The following SGCD variants were observed in gnomAD, a reference collection of about 807,000 sequenced individuals.
SGCD encodes sarcoglycan delta.
SGCD carries 18 observed loss-of-function variants against 36.6 expected under a neutral mutation model. That is an observed-to-expected ratio of 0.49 (90% confidence interval 0.34 to 0.73). SGCD has a LOEUF of 0.73. SGCD is among the 30% of genes least tolerant of loss of function. SGCD has a pLI of 0.01. For missense variants in SGCD, 387 were observed against 346.7 expected (o/e 1.12, Z -0.92); for synonymous variants, 133 against 130.6 (o/e 1.02, Z -0.12).
the SGCD span, among the ~76,000 whole-genome samples, chr5:155,740,445 C>G: frequency 2.0e-5 from 3 of 152,204 alleles, no homozygotes; most frequent in South Asian, 2.1e-4. Context: ...CATTATTAGT[C>G]TGGGTGGTTC....
intron 5 of SGCD, among the ~76,000 whole-genome samples, chr5:156,594,424 T>C (rs1277249414): frequency 6.6e-6 from 1 of 152,198 alleles, no homozygotes; most frequent in African/African-American, 2.4e-5. Flanking sequence ...AAATGATCTG[T>C]ATACTAAGGA....
At chr5:156,482,776 T>A (rs1191149991) in intron 3 of SGCD, among the ~76,000 whole-genome samples, 1 of 148,952 alleles carries the variant, frequency 6.7e-6, no homozygotes, top group African/African-American at 2.5e-5. Flanking sequence ...CCCTACAAGA[T>A]AATGAGTTAG....
At chr5:156,197,065 T>G (rs985477206) in intron 3 of SGCD, among the ~76,000 whole-genome samples, 16 of 152,222 alleles carry the variant, frequency 1.1e-4, no homozygotes, top group African/African-American at 3.6e-4. Flanking sequence ...CAATCTCCTA[T>G]TGTCAGATAT....
At chr5:156,040,621 AT>A (rs1759611355) in intron 1 of SGCD, among the ~76,000 whole-genome samples, 1 of 152,168 alleles carries the variant, frequency 6.6e-6, no homozygotes, top group South Asian at 2.1e-4. Flanking sequence ...ACTCTTCTGC[AT>A]TTGCTGTCAG....
intron 3 of SGCD, among the ~76,000 whole-genome samples, chr5:156,461,457 C>T (rs1275081790): frequency 6.6e-6 from 1 of 151,798 alleles, no homozygotes; most frequent in Non-Finnish European, 1.5e-5. Context: ...ATGTGACAAA[C>T]AAGCGGATAA....
At chr5:156,691,529 T>C (rs282472) in intron 7 of SGCD, among the ~76,000 whole-genome samples, 8,584 of 152,236 alleles carry the variant, frequency 0.056, 391 homozygotes, top group East Asian at 0.21. Flanking sequence ...AACCCTGCCA[T>C]TGTAGTTCAA....
At chr5:156,217,855 T>A (rs1473900252) in intron 3 of SGCD, among the ~76,000 whole-genome samples, 1 of 152,178 alleles carries the variant, frequency 6.6e-6, no homozygotes, top group Non-Finnish European at 1.5e-5. Context: ...GTGAGAATTT[T>A]AAAAATTATT....
intron 7 of SGCD, among the ~76,000 whole-genome samples, chr5:156,730,298 G>A (rs576125992): frequency 6.6e-6 from 1 of 152,180 alleles, no homozygotes; most frequent in Non-Finnish European, 1.5e-5. Context: ...TGACATGGGT[G>A]TTTGTTATAC....
chr5:155,817,099 A>G, the SGCD span, among the ~76,000 whole-genome samples: 1 of 152,206 alleles, frequency 6.6e-6, no homozygotes. Flanking sequence ...CTATATAGTT[A>G]CAATAACTTT....
At chr5:156,623,930 T>C (rs887469357) in intron 6 of SGCD, among the ~76,000 whole-genome samples, 3 of 152,214 alleles carry the variant, frequency 2.0e-5, no homozygotes, top group African/African-American at 7.2e-5. Flanking sequence ...CAAGGTCCTC[T>C]GGCCTAATTC....
the SGCD span, among the ~76,000 whole-genome samples, chr5:155,747,284 G>T: frequency 6.6e-6 from 1 of 152,190 alleles, no homozygotes; most frequent in African/African-American, 2.4e-5. Context: ...AGTAAGTGGG[G>T]TTCAGGGATG....
the SGCD span, among the ~76,000 whole-genome samples, chr5:155,747,131 A>G: frequency 3.3e-5 from 5 of 152,164 alleles, no homozygotes; most frequent in African/African-American, 1.2e-4. Context: ...GAATTTTGAT[A>G]AAAACAATAC....
chr5:156,314,720 A>G (rs978403019), intron 3 of SGCD, among the ~76,000 whole-genome samples: 11 of 152,062 alleles, frequency 7.2e-5, no homozygotes, highest in African/African-American at 2.7e-4. Flanking sequence ...TAGAGAACAT[A>G]GCAGAGGACT....
chr5:156,247,887 G>A (rs1395663349), intron 3 of SGCD, among the ~76,000 whole-genome samples: 3 of 152,106 alleles, frequency 2.0e-5, no homozygotes, highest in East Asian at 1.9e-4. Flanking sequence ...CCCCTGCTTC[G>A]TGGAAAAAAT....
intron 1 of SGCD, among the ~76,000 whole-genome samples, chr5:155,979,912 T>G (rs1758191923): frequency 6.6e-6 from 1 of 152,146 alleles, no homozygotes; most frequent in African/African-American, 2.4e-5. Context: ...ATGCTGAGAT[T>G]CCAGCATATG....
intron 6 of SGCD, among the ~76,000 whole-genome samples, chr5:156,604,610 C>T (rs1158402731): frequency 2.6e-5 from 4 of 151,422 alleles, no homozygotes; most frequent in African/African-American, 4.8e-5. Context: ...ATACTCTAGA[C>T]TTTTTTCCTC....
intron 3 of SGCD, among the ~76,000 whole-genome samples, chr5:156,449,310 G>A (rs948731490): frequency 2.6e-5 from 4 of 151,988 alleles, no homozygotes; most frequent in Non-Finnish European, 5.9e-5. Flanking sequence ...CAAATTATTT[G>A]GATCACGTTT....
intron 1 of SGCD, among the ~76,000 whole-genome samples, chr5:156,049,826 G>A (rs1414843385): frequency 6.8e-6 from 1 of 146,290 alleles, no homozygotes; most frequent in African/African-American, 2.5e-5. Context: ...GGGGTTCAAG[G>A]CTTCAATGGA....
At chr5:155,935,916 C>T (rs771530830) in intron 1 of SGCD, among the ~76,000 whole-genome samples, 1 of 152,278 alleles carries the variant, frequency 6.6e-6, no homozygotes, top group African/African-American at 2.4e-5. Context: ...TGCACACAGT[C>T]AGGCACACCA....
Sources: allele counts gnomAD v4.1 joint callset (sites outside exome capture counted in the v4.1 genomes callset), GRCh38; gene constraint gnomAD v4.1.1; transcripts MANE v1.5; gene names NCBI Gene and HGNC (gene_info 2026-07-23, HGNC 2026-07-21).